RANBP2: variants seen among roughly 807,000 people sequenced by gnomAD.
RANBP2 encodes the protein RAN binding protein 2, also known as E3 SUMO-protein ligase RanBP2.
RANBP2 carries 57 observed loss-of-function variants against 303.6 expected under a neutral mutation model. That is an observed-to-expected ratio of 0.19 (90% CI 0.15 to 0.23). RANBP2 has a LOEUF of 0.23. Ranked by LOEUF, RANBP2 falls within the 10% of genes least tolerant of loss-of-function variation. RANBP2 has a pLI of 1.00. For missense variants in RANBP2, 3,138 were observed against 3,780.8 expected (o/e 0.83, Z 4.46); for synonymous variants, 1,167 against 1,301.5 (o/e 0.90, Z 2.23).
the RANBP2 span, among the ~76,000 whole-genome samples, chr2:108,893,517 G>A: frequency 1.3e-5 from 2 of 152,074 alleles, no homozygotes; most frequent in African/African-American, 2.4e-5. Context: ...CACTGGGGAT[G>A]CTTTCTGATA....
the RANBP2 span, among the ~76,000 whole-genome samples, chr2:109,271,188 C>A: frequency 6.6e-6 from 1 of 152,204 alleles, no homozygotes; most frequent in Admixed American, 6.5e-5. Context: ...TGCTAATGAG[C>A]AAAACAAGGT....
chr2:108,900,945 T>C, the RANBP2 span, among the ~76,000 whole-genome samples: 2 of 152,338 alleles, frequency 1.3e-5, no homozygotes, highest in African/African-American at 4.8e-5. Context: ...ACAATTATAG[T>C]TGAAGACTTT....
chr2:109,376,847 C>A, the RANBP2 span, among the ~76,000 whole-genome samples: 3 of 152,172 alleles, frequency 2.0e-5, no homozygotes. Flanking sequence ...CAGTAAAGGG[C>A]GGGGAGGAAG....
At chr2:109,634,101 C>T in the RANBP2 span, among the ~76,000 whole-genome samples, 1 of 104,634 alleles carries the variant, frequency 9.6e-6, no homozygotes, top group Non-Finnish European at 1.7e-5. Context: ...ACCTGGGCGA[C>T]AGAGTGAGAC....
At chr2:109,482,438 G>C in the RANBP2 span, among the ~76,000 whole-genome samples, 5 of 152,276 alleles carry the variant, frequency 3.3e-5, no homozygotes, top group Non-Finnish European at 5.9e-5. Context: ...GCAGCATCAC[G>C]CACTTCCCGC....
the RANBP2 span, among the ~76,000 whole-genome samples, chr2:109,655,768 C>T: frequency 3.1e-3 from 479 of 152,260 alleles, 2 homozygotes; most frequent in South Asian, 0.021. Context: ...AAAAAGAACA[C>T]GTCTCCTATA....
chr2:108,758,382 A>T (rs1482051638), intron 17 of RANBP2, 31 bp from the exon 18 acceptor site: 2 of 1,611,630 alleles, frequency 1.2e-6, no homozygotes, highest in Non-Finnish European at 1.7e-6. Context: ...TTAAATGTTT[A>T]AAATTATTTG....
At chr2:109,671,850 C>G in the RANBP2 span, among the ~76,000 whole-genome samples, 3 of 151,888 alleles carry the variant, frequency 2.0e-5, 1 homozygote, top group Admixed American at 1.3e-4. Context: ...TTTCATGAAT[C>G]AGGAAGGGGA....
At chr2:109,084,074 C>A in the RANBP2 span, among the ~76,000 whole-genome samples, 2 of 152,140 alleles carry the variant, frequency 1.3e-5, no homozygotes, top group African/African-American at 2.4e-5. Flanking sequence ...TGGTGTGGAA[C>A]TTTAGGAGTT....
chr2:109,251,033 A>G, the RANBP2 span, among the ~76,000 whole-genome samples: 8 of 151,576 alleles, frequency 5.3e-5, no homozygotes, highest in East Asian at 9.7e-4. Context: ...ATTGAGTCTC[A>G]CTCTGTCGCC....
At chr2:108,729,404 C>T (rs1694990120) in intron 2 of RANBP2, among the ~76,000 whole-genome samples, 1 of 152,158 alleles carries the variant, frequency 6.6e-6, no homozygotes, top group Non-Finnish European at 1.5e-5. Flanking sequence ...CATGCTGCTG[C>T]TTTATACCAA....
chr2:109,668,760 G>A, the RANBP2 span, among the ~76,000 whole-genome samples: 1 of 152,206 alleles, frequency 6.6e-6, no homozygotes. Flanking sequence ...GAAAATAAAT[G>A]TCAAAGCAAA....
downstream of RANBP2, among the ~76,000 whole-genome samples, chr2:108,789,470 T>C (rs1679541651): frequency 6.6e-6 from 1 of 152,178 alleles, no homozygotes; most frequent in South Asian, 2.1e-4. Flanking sequence ...GGTGTGCGTC[T>C]GGAATCTCAG....
chr2:109,355,982 G>T, the RANBP2 span, among the ~76,000 whole-genome samples: 3 of 152,154 alleles, frequency 2.0e-5, no homozygotes, highest in African/African-American at 7.2e-5. Flanking sequence ...ATTGGGGGTG[G>T]AGAATCATTA....
chr2:109,419,843 T>C, the RANBP2 span, among the ~76,000 whole-genome samples: 1 of 152,250 alleles, frequency 6.6e-6, no homozygotes, highest in African/African-American at 2.4e-5. Context: ...TCGTTGTTTC[T>C]AGGACATTTC....
At chr2:108,934,328 T>TG in the RANBP2 span, among the ~76,000 whole-genome samples, 5 of 152,026 alleles carry the variant, frequency 3.3e-5, no homozygotes, top group African/African-American at 1.2e-4. Context: ...CACTGGGCGC[T>TG]GGGGGGCTGA....
At chr2:109,278,133 T>C in the RANBP2 span, among the ~76,000 whole-genome samples, 1 of 151,552 alleles carries the variant, frequency 6.6e-6, no homozygotes. Flanking sequence ...GCCATGATTG[T>C]GCCACTGCAG....
the RANBP2 span, among the ~76,000 whole-genome samples, chr2:109,635,543 T>C: frequency 6.6e-6 from 1 of 151,984 alleles, no homozygotes; most frequent in African/African-American, 2.4e-5. Context: ...AGCACTGGAG[T>C]GAGTGGCAGA....
chr2:108,741,735 A>G (rs1218605027), intron 7 of RANBP2, among the ~76,000 whole-genome samples: 2 of 146,676 alleles, frequency 1.4e-5, no homozygotes, highest in African/African-American at 5.1e-5. Flanking sequence ...GATGGTCTCA[A>G]TCTCCTGACC....
Sources: allele counts gnomAD v4.1 joint callset (sites outside exome capture counted in the v4.1 genomes callset), GRCh38; gene constraint gnomAD v4.1.1; transcripts MANE v1.5; gene names NCBI Gene and HGNC (gene_info 2026-07-23, HGNC 2026-07-21).